DENND1A: variants seen among roughly 807,000 people sequenced by gnomAD.
DENND1A encodes DENN domain containing 1A.
In DENND1A, 51 loss-of-function variants were observed where a neutral mutation model predicts 113.7. The observed-to-expected ratio is 0.45, with a 90% CI of 0.36 to 0.57. DENND1A has a LOEUF of 0.57. DENND1A is among the 20% of genes least tolerant of loss of function. DENND1A has a pLI of 0.00. For missense variants in DENND1A, 1,258 were observed against 1,395.9 expected, an observed-to-expected ratio of 0.90 and a Z score of 1.57; for synonymous variants, 565 against 570.8, an observed-to-expected ratio of 0.99 and a Z score of 0.14.
At chr9:123,864,006 C>A (rs1235763582) in intron 2 of DENND1A, among the ~76,000 whole-genome samples, 7 of 147,572 alleles carry the variant, frequency 4.7e-5, no homozygotes, top group African/African-American at 1.7e-4. Context: ...AAAAAACACA[C>A]AGAAAATCAT....
At chr9:123,617,650 C>T (rs1354530258) in intron 10 of DENND1A, among the ~76,000 whole-genome samples, 1 of 152,214 alleles carries the variant, frequency 6.6e-6, no homozygotes, top group African/African-American at 2.4e-5. Flanking sequence ...CGGAAGGCGA[C>T]AGACTCGGAA....
intron 18 of DENND1A, 135 bp downstream of exon 18, chr9:123,450,558 G>T: frequency 1.7e-6 from 1 of 600,680 alleles, no homozygotes; most frequent in Non-Finnish European, 2.8e-6. Flanking sequence ...GAAAACTCCC[G>T]GACAGCTGGT....
rs543172617 is a variant in DENND1A at position 123,401,838 on chromosome 9, G to T, written c.1631+1564C>A. 3.1e-6 allele frequency: 5 copies of T among 1,614,084 alleles called. No homozygotes were observed. In the African/African-American group the frequency reaches 6.7e-5, roughly 22 times the overall value. ...ATGTGATGAAGAGGTCCAGCCTCTC[G>T]TCGGGAACTTGGCCGCAAAATGGGT... On this transcript the variant is annotated intron_variant, in intron 21 of 23. Transcript: ENST00000394215.
At chr9:123,640,196 A>G (rs1469514699) in intron 9 of DENND1A, among the ~76,000 whole-genome samples, 1 of 152,244 alleles carries the variant, frequency 6.6e-6, no homozygotes, top group East Asian at 1.9e-4. Flanking sequence ...TCCACACAAA[A>G]GCATTATGAA....
intron 2 of DENND1A, among the ~76,000 whole-genome samples, chr9:123,853,257 T>C (rs981124537): frequency 6.6e-6 from 1 of 151,908 alleles, no homozygotes; most frequent in African/African-American, 2.4e-5. Context: ...CAGTTATCAA[T>C]AAGGCAAGTA....
chr9:123,388,484 A>T (rs1460628924), intron 21 of DENND1A, among the ~76,000 whole-genome samples: 1 of 152,228 alleles, frequency 6.6e-6, no homozygotes, highest in Non-Finnish European at 1.5e-5. Context: ...AATAAAAAAT[A>T]AAAAAGTTCA....
chr9:123,506,580 C>CAAAAAA lies in DENND1A; in HGVS notation c.994-48689_994-48684dup, dbSNP rs10542393. 6.2e-4 allele frequency among the ~76,000 whole-genome samples: 46 copies of CAAAAAA among 73,884 alleles called. 2 individuals are homozygous for CAAAAAA. Among genetic ancestry groups the CAAAAAA allele is most frequent in the East Asian group, 9.6e-4 (2 of 2,074 alleles). 48.5% of individuals were successfully genotyped at this position (73,884 alleles called of 152,430 possible). ...CTGGTGACAGAGTGAGACTCTGTCT[C>CAAAAAA]AAAAAAAAAAAAAAAAAAAAAAAAG... On this transcript the variant is annotated intron_variant, in intron 13 of 23. Coordinates refer to ENST00000394215, the MANE Select transcript of DENND1A (RefSeq NM_001352964.2).
chr9:123,834,897 C>T (rs759258385), intron 2 of DENND1A, among the ~76,000 whole-genome samples: 1 of 152,164 alleles, frequency 6.6e-6, no homozygotes, highest in Non-Finnish European at 1.5e-5. Context: ...CATGTTTTAA[C>T]ACATTTAACC....
chr9:123,590,787 G>A (rs1394626279), intron 11 of DENND1A, among the ~76,000 whole-genome samples: 7 of 152,140 alleles, frequency 4.6e-5, no homozygotes, highest in Non-Finnish European at 8.8e-5. Context: ...TTAAGTGGAT[G>A]GGTTGTGATC....
At chr9:123,828,436 G>C (rs1280310444) in intron 2 of DENND1A, among the ~76,000 whole-genome samples, 1 of 151,796 alleles carries the variant, frequency 6.6e-6, no homozygotes. Flanking sequence ...GGGAGTCCCA[G>C]AAAAAAGATA....
At chr9:123,845,470 G>C (rs894732789) in intron 2 of DENND1A, among the ~76,000 whole-genome samples, 4 of 151,814 alleles carry the variant, frequency 2.6e-5, no homozygotes, top group African/African-American at 9.7e-5. Context: ...TTCAAGACCA[G>C]CCTGGCCAAA....
At chr9:123,454,868 G>A (rs2047999738) in intron 15 of DENND1A, 89 bp from the exon 16 acceptor site, 5 of 1,085,674 alleles carry the variant, frequency 4.6e-6, no homozygotes, top group Non-Finnish European at 2.7e-6. Context: ...TTTTTTTTGA[G>A]ATGGAGTCTC....
intron 5 of DENND1A, among the ~76,000 whole-genome samples, chr9:123,681,640 G>C (rs1431283508): frequency 1.3e-5 from 2 of 152,126 alleles, no homozygotes; most frequent in African/African-American, 4.8e-5. Context: ...TGTCAAACTG[G>C]AACTGAATGT....
intron 2 of DENND1A, among the ~76,000 whole-genome samples, chr9:123,871,956 G>A (rs909467859): frequency 1.3e-5 from 2 of 152,198 alleles, no homozygotes; most frequent in Admixed American, 1.3e-4. Flanking sequence ...ATGCATTCCA[G>A]AGTTTTTGTG....
At chr9:123,609,399 A>AG in intron 11 of DENND1A, 37 bp downstream of exon 11, 2 of 1,609,174 alleles carry the variant, frequency 1.2e-6, no homozygotes, top group African/African-American at 1.3e-5. Context: ...ACAAAGCCCC[A>AG]GGTAGAGCCA....
chr9:123,687,094 C>T (rs1771504022), intron 5 of DENND1A, among the ~76,000 whole-genome samples: 1 of 152,102 alleles, frequency 6.6e-6, no homozygotes, highest in African/African-American at 2.4e-5. Context: ...GCACACCAAT[C>T]AACACAAGCA....
intron 7 of DENND1A, 73 bp downstream of exon 7, chr9:123,671,218 G>A: frequency 6.4e-7 from 1 of 1,564,358 alleles, no homozygotes. Context: ...ATACAATCCT[G>A]TTCAGCTAGC....
chr9:123,669,482 G>A (rs1564917733), intron 7 of DENND1A, among the ~76,000 whole-genome samples: 1 of 152,230 alleles, frequency 6.6e-6, no homozygotes, highest in East Asian at 1.9e-4. Context: ...CCACTGGCAT[G>A]AAACAGCTGC....
At chr9:123,384,722 C>A (rs1276893267) in intron 22 of DENND1A, among the ~76,000 whole-genome samples, 2 of 152,222 alleles carry the variant, frequency 1.3e-5, no homozygotes, top group Middle Eastern at 6.8e-3. Flanking sequence ...CCGAGGCGGG[C>A]GGATCACTTG....
Sources: allele counts gnomAD v4.1 joint callset (sites outside exome capture counted in the v4.1 genomes callset), GRCh38; gene constraint gnomAD v4.1.1; transcripts MANE v1.5; gene names NCBI Gene and HGNC (gene_info 2026-07-23, HGNC 2026-07-21).